The following RIPOR2 variants were observed in gnomAD, a reference collection of about 807,000 sequenced individuals.
RIPOR2 encodes the protein rho family-interacting cell polarization regulator 2.
Under a neutral mutation model 114.5 loss-of-function variants are expected in RIPOR2, and 39 were observed. The observed-to-expected ratio is 0.34, with a 90% CI of 0.26 to 0.44. The LOEUF (loss-of-function observed/expected upper bound fraction) is 0.44. RIPOR2 is among the 20% of genes least tolerant of loss of function. The probability of loss-of-function intolerance (pLI) is 1.00; values close to 1 mark genes in which losing one functional copy is unlikely to be tolerated. For missense variants in RIPOR2, 1,007 were observed against 1,255.1 expected (o/e 0.80, Z 2.99); for synonymous variants, 445 against 484.4 (o/e 0.92, Z 1.07).
At chr6:25,031,794 A>AAT (rs1776994929) in intron 1 of RIPOR2, among the ~76,000 whole-genome samples, 1 of 137,836 alleles carries the variant, frequency 7.3e-6, no homozygotes. Context: ...ATATCCATAG[A>AAT]ATATATATAA....
At chr6:25,003,384 C>CATT (rs57985459) in intron 1 of RIPOR2, among the ~76,000 whole-genome samples, 3,503 of 143,794 alleles carry the variant, frequency 0.024, 154 homozygotes, top group African/African-American at 0.081. Flanking sequence ...AGAATTAACA[C>CATT]ATTATTATTA....
chr6:25,003,063 A>G (rs1446878320), intron 1 of RIPOR2, among the ~76,000 whole-genome samples: 1 of 152,244 alleles, frequency 6.6e-6, no homozygotes, highest in Non-Finnish European at 1.5e-5. Context: ...TAAAACATGG[A>G]ACAGGTTTTA....
intron 1 of RIPOR2, among the ~76,000 whole-genome samples, chr6:24,884,131 C>T (rs1001639448): frequency 3.3e-5 from 5 of 152,076 alleles, no homozygotes; most frequent in African/African-American, 7.2e-5. Context: ...AAAGCAGGCC[C>T]GGCACGGTGG....
intron 15 of RIPOR2, among the ~76,000 whole-genome samples, chr6:24,833,528 CAAA>C (rs199737521): frequency 1.3e-5 from 2 of 151,148 alleles, no homozygotes; most frequent in African/African-American, 2.5e-5. Context: ...ACAACAACAA[CAAA>C]AAAACAAAAC....
chr6:24,823,162 G>A (rs1434430018), intron 19 of RIPOR2, among the ~76,000 whole-genome samples: 2 of 152,156 alleles, frequency 1.3e-5, no homozygotes, highest in Non-Finnish European at 2.9e-5. Flanking sequence ...GCAAGGTTCC[G>A]GGTTTACAGT....
chr6:25,005,738 T>TATATACACATAC (rs34572978), intron 1 of RIPOR2, among the ~76,000 whole-genome samples: 4 of 70,700 alleles, frequency 5.7e-5, no homozygotes, highest in Non-Finnish European at 1.3e-4. Flanking sequence ...TATATATATA[T>TATATACACATAC]ATACATTTAC....
In RIPOR2 at chr6:24,924,504, C is replaced by T. The variant is rs371455411; in HGVS notation, c.61+11334G>A. On this transcript the variant is annotated intron_variant, in intron 1 of 21. Transcript: ENST00000643898. Reference sequence around the variant, plus strand: ...CTGAGAGAAAAGATCCTTAGTCTTACGGTGTTTCTCCTTTTATAGGATGTT... The same window carrying T: ...CTGAGAGAAAAGATCCTTAGTCTTATGGTGTTTCTCCTTTTATAGGATGTT... 1.1e-3 allele frequency among the ~76,000 whole-genome samples: 163 copies of T among 152,232 alleles called. 3 individuals carry two copies. In the South Asian group the frequency reaches 0.031, roughly 29 times the overall value.
intron 1 of RIPOR2, among the ~76,000 whole-genome samples, chr6:24,977,407 T>C (rs201260454): frequency 9.6e-6 from 1 of 103,842 alleles, no homozygotes; most frequent in Non-Finnish European, 2.1e-5. Flanking sequence ...TTTTAAATCA[T>C]AATAAAGGTA....
At chr6:24,809,617 T>G in intron 21 of RIPOR2, 100 bp downstream of exon 21, 4 of 802,772 alleles carry the variant, frequency 5.0e-6, no homozygotes, top group South Asian at 4.5e-5. Flanking sequence ...ACAGGGTACA[T>G]GAAACTTCTC....
intron 1 of RIPOR2, among the ~76,000 whole-genome samples, chr6:24,957,916 A>G (rs1157508287): frequency 6.6e-6 from 1 of 152,098 alleles, no homozygotes; most frequent in East Asian, 1.9e-4. Flanking sequence ...ATTACACTTA[A>G]AAAATTACAA....
rs200381101 is a variant in RIPOR2, at chr6:25,033,863, C to CT, written c.76+7987dup. Reference sequence around the variant, plus strand: ...TAAGATTTTTTTATTATTTTATTCTCTTTTTTTTGGTTTTTTGACTGAGGA... The same window carrying CT: ...TAAGATTTTTTTATTATTTTATTCTCTTTTTTTTTGGTTTTTTGACTGAGGA... On this transcript the variant is annotated intron_variant, in intron 1 of 13. Coordinates refer to the RIPOR2 transcript ENST00000510784. Among the ~76,000 whole-genome samples the CT allele has an allele frequency of 9.2e-3, 1,401 of 151,738 alleles. 20 individuals are homozygous for CT. Among genetic ancestry groups the CT allele is most frequent in the African/African-American group, 0.025 (1,015 of 41,408 alleles).
chr6:24,828,573 T>TA (rs1409309250), intron 17 of RIPOR2, among the ~76,000 whole-genome samples: 1 of 152,074 alleles, frequency 6.6e-6, no homozygotes, highest in East Asian at 1.9e-4. Flanking sequence ...CTGGATGGTT[T>TA]TGCACATGTG....
Position 24,849,906 on chromosome 6 carries a change from G to C in RIPOR2, c.930C>G (p.Ser310Arg). 2 of 1,613,862 alleles carry C rather than the reference G, an allele frequency of 1.2e-6. No homozygotes were observed. Among genetic ancestry groups the C allele is most frequent in the Non-Finnish European group, 1.7e-6 (2 of 1,179,806 alleles). The change falls in exon 11 of 22, where the codon AGC becomes AGG. Residue 310 changes from serine (S) to arginine (R), a missense_variant. Ser to Arg is a moderately radical substitution (Grantham distance 110). Transcript: ENST00000643898. ...ACAGCTCTTTGGTCTCACAGGTCAC[G>C]CTACCTACCAGGATGTGAGTTGCTA... is the stretch of plus-strand genomic sequence containing the variant. ...KGLATHILVG[S>R]VTCETKELFA...
intron 1 of RIPOR2, among the ~76,000 whole-genome samples, chr6:24,971,430 G>A (rs537868893): frequency 6.6e-6 from 1 of 152,380 alleles, no homozygotes; most frequent in Admixed American, 6.5e-5. Context: ...CTAGCTGAAT[G>A]CCAACCTGGC....
At chr6:24,847,119 T>C (rs973694510) in intron 12 of RIPOR2, among the ~76,000 whole-genome samples, 1 of 151,580 alleles carries the variant, frequency 6.6e-6, no homozygotes, top group African/African-American at 2.4e-5. Flanking sequence ...TCCTGGCTAA[T>C]TTTTGTATTT....
intron 1 of RIPOR2, among the ~76,000 whole-genome samples, chr6:24,935,159 T>G: frequency 6.6e-6 from 1 of 151,574 alleles, no homozygotes; most frequent in African/African-American, 2.4e-5. Context: ...AATACAAAAA[T>G]TAGCTGGGCA....
intron 1 of RIPOR2, among the ~76,000 whole-genome samples, chr6:25,019,638 G>C (rs1776201780): frequency 6.6e-6 from 1 of 151,142 alleles, no homozygotes; most frequent in Non-Finnish European, 1.5e-5. Flanking sequence ...GCCGGGCGTG[G>C]TGGCACGTGC....
intron 1 of RIPOR2, among the ~76,000 whole-genome samples, chr6:24,986,682 C>T (rs563769674): frequency 1.4e-4 from 21 of 152,258 alleles, no homozygotes; most frequent in African/African-American, 4.3e-4. Context: ...CGTCACAAAC[C>T]AAAGACAATG....
intron 1 of RIPOR2, among the ~76,000 whole-genome samples, chr6:24,967,967 T>C (rs1581889043): frequency 6.7e-6 from 1 of 148,452 alleles, no homozygotes; most frequent in South Asian, 2.1e-4. Flanking sequence ...GGCTGGAGTG[T>C]AGTGGCGTGA....
Sources: allele counts gnomAD v4.1 joint callset (sites outside exome capture counted in the v4.1 genomes callset), GRCh38; gene constraint gnomAD v4.1.1; transcripts MANE v1.5; gene names NCBI Gene and HGNC (gene_info 2026-07-23, HGNC 2026-07-21).